The following WWOX variants were observed in gnomAD, a reference collection of about 807,000 sequenced individuals.
WWOX encodes the protein WW domain containing oxidoreductase.
A neutral mutation model predicts 46.2 loss-of-function variants in WWOX; 69 were observed. That is an observed-to-expected ratio of 1.49 (90% CI 1.23 to 1.82). The LOEUF is 1.82. Ranked by LOEUF, WWOX falls within the 40% of genes most tolerant of loss-of-function variation. WWOX has a pLI of 0.00. For missense variants in WWOX, 919 were observed against 542.6 expected, an observed-to-expected ratio of 1.69 and a Z score of -6.89; for synonymous variants, 359 against 202.6, an observed-to-expected ratio of 1.77 and a Z score of -6.56.
rs374234360 is a variant in WWOX at position 78,340,767 on chromosome 16, C to G, written c.517-46093C>G. 1.4e-4 allele frequency among the ~76,000 whole-genome samples: 16 copies of G among 117,888 alleles called. 4 individuals are homozygous for G. Among genetic ancestry groups the G allele is most frequent in the African/African-American group, 4.0e-4 (14 of 34,630 alleles). The allele number at this position is 117,888 out of a possible 152,430, so 77.3% of individuals were successfully genotyped here. ...CTTGGGGAAGGTGTAGCTCTGACTG[C>G]TAGAGTTCTAGAGCCAAGTGAGGGG... On this transcript the variant is annotated intron_variant, in intron 5 of 8. Coordinates refer to ENST00000566780, the MANE Select transcript of WWOX (RefSeq NM_016373.4).
At chr16:78,267,696 C>T (rs900963462) in intron 5 of WWOX, among the ~76,000 whole-genome samples, 1 of 151,976 alleles carries the variant, frequency 6.6e-6, no homozygotes, top group East Asian at 1.9e-4. Flanking sequence ...CCTCATCCTG[C>T]TCCCTACACT....
At chr16:78,293,377 T>A (rs2079889446) in intron 5 of WWOX, among the ~76,000 whole-genome samples, 1 of 152,220 alleles carries the variant, frequency 6.6e-6, no homozygotes, top group Admixed American at 6.5e-5. Context: ...TCCAGGCATC[T>A]TTAGAAACAG....
intron 8 of WWOX, among the ~76,000 whole-genome samples, chr16:79,184,984 A>G (rs540528744): frequency 2.6e-5 from 4 of 152,350 alleles, no homozygotes; most frequent in East Asian, 1.9e-4. Context: ...AGCACTGACA[A>G]TGAAACATTT....
intron 5 of WWOX, among the ~76,000 whole-genome samples, chr16:78,314,489 C>G (rs1350798697): frequency 1.3e-5 from 2 of 149,306 alleles, no homozygotes; most frequent in Non-Finnish European, 3.0e-5. Flanking sequence ...CAGCAACCAC[C>G]AAGTCCACCT....
intron 5 of WWOX, among the ~76,000 whole-genome samples, chr16:78,164,732 A>G (rs917524673): frequency 2.0e-5 from 3 of 152,222 alleles, no homozygotes; most frequent in African/African-American, 7.2e-5. Flanking sequence ...GGCTTGCCTT[A>G]GTCTTGGGAC....
chr16:78,258,419 A>T (rs1173481940), intron 5 of WWOX, among the ~76,000 whole-genome samples: 3 of 152,206 alleles, frequency 2.0e-5, no homozygotes, highest in Non-Finnish European at 4.4e-5. Flanking sequence ...GTGAAAACTA[A>T]AATGCCTTCA....
chr16:79,210,384 T>G (rs74036770), intron 8 of WWOX, among the ~76,000 whole-genome samples: 1 of 152,160 alleles, frequency 6.6e-6, no homozygotes, highest in Non-Finnish European at 1.5e-5. Context: ...ACCAGACCAT[T>G]TGAGGGAAAC....
At chr16:79,211,044 T>A (rs1403077155) in intron 8 of WWOX, among the ~76,000 whole-genome samples, 1 of 151,832 alleles carries the variant, frequency 6.6e-6, no homozygotes, top group African/African-American at 2.4e-5. Context: ...AGTGTGTGTG[T>A]GTGTGTGTGT....
intron 8 of WWOX, among the ~76,000 whole-genome samples, chr16:78,663,256 G>C (rs1456165676): frequency 3.3e-5 from 5 of 152,082 alleles, no homozygotes; most frequent in Non-Finnish European, 7.3e-5. Context: ...TACAATACGT[G>C]GCCAACTGAC....
intron 8 of WWOX, among the ~76,000 whole-genome samples, chr16:79,155,131 A>C (rs12934106): frequency 6.6e-6 from 1 of 152,212 alleles, no homozygotes; most frequent in Admixed American, 6.5e-5. Context: ...TAATCCCAGC[A>C]CTTTGGGAGG....
chr16:78,945,628 T>G (rs1334627516), intron 8 of WWOX, among the ~76,000 whole-genome samples: 1 of 148,202 alleles, frequency 6.7e-6, no homozygotes, highest in East Asian at 2.1e-4. Context: ...ATCTGACTAC[T>G]GGTTTTATTT....
At chr16:78,597,723 C>T (rs2045523558) in intron 8 of WWOX, among the ~76,000 whole-genome samples, 1 of 150,246 alleles carries the variant, frequency 6.7e-6, no homozygotes, top group Non-Finnish European at 1.5e-5. Context: ...TCAATAATTG[C>T]TTAATGGGAA....
chr16:78,962,193 C>T (rs1421460294), intron 8 of WWOX, among the ~76,000 whole-genome samples: 2 of 151,736 alleles, frequency 1.3e-5, no homozygotes, highest in African/African-American at 2.4e-5. Context: ...GGACAGCCAC[C>T]CTGTGGATGA....
chr16:78,648,195 G>A (rs189874498), intron 8 of WWOX, among the ~76,000 whole-genome samples: 60 of 152,206 alleles, frequency 3.9e-4, no homozygotes, highest in African/African-American at 1.1e-3. Flanking sequence ...TCTTTAGGAC[G>A]TCAAACCACC....
chr16:79,166,816 A>G (rs1023028562), intron 8 of WWOX, among the ~76,000 whole-genome samples: 2 of 152,354 alleles, frequency 1.3e-5, no homozygotes. Context: ...GGCCCTGAAT[A>G]AAGACCAGTT....
intron 8 of WWOX, among the ~76,000 whole-genome samples, chr16:79,124,847 A>G (rs2049716868): frequency 6.6e-6 from 1 of 152,238 alleles, no homozygotes; most frequent in Admixed American, 6.5e-5. Flanking sequence ...GGGATGAGGA[A>G]TGAAAATGAA....
intron 8 of WWOX, among the ~76,000 whole-genome samples, chr16:78,441,487 C>T (rs1256984921): frequency 1.3e-5 from 2 of 152,080 alleles, no homozygotes; most frequent in Non-Finnish European, 2.9e-5. Flanking sequence ...ACACAGCAAG[C>T]CCCCAAGGTC....
At position 78,395,309 on chromosome 16, in the gene WWOX, C is replaced by T. The variant is rs555128406; in HGVS notation, c.605+8361C>T. On this transcript the variant is annotated intron_variant, in intron 6 of 8. Transcript: ENST00000566780. ...CAAGGCAGGCAGGTTGCTTGAGTTC[C>T]GGAGTTTGAGACCAGCCTCGGTAAT... 9.2e-5 allele frequency among the ~76,000 whole-genome samples: 14 copies of T among 152,208 alleles called. No individual in the cohort carries two copies. The East Asian group carries it at 9.7e-4, about 11-fold the overall frequency.
intron 8 of WWOX, among the ~76,000 whole-genome samples, chr16:78,988,270 G>A (rs1306250212): frequency 6.6e-6 from 1 of 151,784 alleles, no homozygotes; most frequent in Non-Finnish European, 1.5e-5. Flanking sequence ...CTTGAACCCG[G>A]GAGGCAGAGG....
Sources: allele counts gnomAD v4.1 joint callset (sites outside exome capture counted in the v4.1 genomes callset), GRCh38; gene constraint gnomAD v4.1.1; transcripts MANE v1.5; gene names NCBI Gene and HGNC (gene_info 2026-07-23, HGNC 2026-07-21).